The following TBC1D32 variants were observed in gnomAD, a reference collection of about 807,000 sequenced individuals.
TBC1D32 encodes TBC1 domain family member 32, also known as protein broad-minded.
A neutral mutation model predicts 170.3 loss-of-function variants in TBC1D32; 151 were observed. The ratio of observed to expected loss-of-function variants is 0.89; its 90% CI spans 0.78 to 1.01. The LOEUF is 1.01. Among genes scored for constraint, TBC1D32 ranks in the 50% least tolerant of loss-of-function variants. The pLI, the probability that TBC1D32 is intolerant of heterozygous loss-of-function variation, is 0.00. For missense variants in TBC1D32, 1,464 were observed against 1,457.1 expected (o/e 1.00, Z -0.08); for synonymous variants, 498 against 488.0 (o/e 1.02, Z -0.27).
At position 121,277,466 on chromosome 6, in the gene TBC1D32, C is replaced by A. The variant is rs141306298; in HGVS notation, c.1733+1655G>T. On this transcript the variant is annotated intron_variant, in intron 15 of 31. Transcript: ENST00000398212. Reference sequence around the variant, plus strand: ...TTGTGCTATTGTACTCCAGCCTGGGCGACAGAGAAAGACTCCATCTCAAAA... The same window carrying A: ...TTGTGCTATTGTACTCCAGCCTGGGAGACAGAGAAAGACTCCATCTCAAAA... Among the ~76,000 whole-genome samples, 1,138 of 114,622 alleles carry A rather than the reference C, an allele frequency of 9.9e-3. 23 individuals carry two copies. The highest frequency in any genetic ancestry group is 0.039 in the African/African-American group (1,074 of 27,770). The allele number at this position is 114,622 out of a possible 152,430, so 75.2% of individuals were successfully genotyped here.
chr6:121,221,361 T>G (rs1794496496), intron 21 of TBC1D32, among the ~76,000 whole-genome samples: 1 of 152,218 alleles, frequency 6.6e-6, no homozygotes. Flanking sequence ...AATATTGTTT[T>G]TGTGCCTGCT....
intron 30 of TBC1D32, among the ~76,000 whole-genome samples, chr6:121,104,759 T>A (rs993901113): frequency 1.3e-5 from 2 of 151,718 alleles, no homozygotes; most frequent in Admixed American, 6.6e-5. Flanking sequence ...ATGGTTTTAC[T>A]AGATATGATA....
At chr6:121,245,097 G>A (rs1022980659) in intron 17 of TBC1D32, among the ~76,000 whole-genome samples, 3 of 152,188 alleles carry the variant, frequency 2.0e-5, no homozygotes, top group African/African-American at 7.2e-5. Context: ...ACCACTGCCT[G>A]CAACACCCTG....
chr6:121,262,459 A>T (rs1799881464), intron 15 of TBC1D32, among the ~76,000 whole-genome samples: 1 of 151,232 alleles, frequency 6.6e-6, no homozygotes. Context: ...CCAGAAGAGA[A>T]TAGAGGCCAA....
chr6:121,160,608 A>C (rs1785498265), intron 23 of TBC1D32, among the ~76,000 whole-genome samples: 1 of 152,130 alleles, frequency 6.6e-6, no homozygotes, highest in Non-Finnish European at 1.5e-5. Flanking sequence ...ATAAAAAATA[A>C]TGTCATTTAA....
intron 22 of TBC1D32, among the ~76,000 whole-genome samples, chr6:121,198,236 A>ATATATATT (rs1252448687): frequency 1.0e-3 from 136 of 129,552 alleles, no homozygotes; most frequent in African/African-American, 4.0e-3. Context: ...AATATATATA[A>ATATATATT]ATATATATAT....
intron 22 of TBC1D32, among the ~76,000 whole-genome samples, chr6:121,173,591 A>G (rs1232422858): frequency 2.6e-5 from 4 of 151,994 alleles, no homozygotes; most frequent in African/African-American, 9.7e-5. Context: ...GACACCAAGA[A>G]GCAGAAGGAG....
intron 15 of TBC1D32, among the ~76,000 whole-genome samples, chr6:121,263,441 C>T (rs1165054465): frequency 2.6e-5 from 4 of 152,086 alleles, no homozygotes; most frequent in African/African-American, 9.7e-5. Context: ...TTTGATAAAA[C>T]AAGTTTTTAG....
rs779224858 is a variant in TBC1D32, at chr6:121,304,388, A to G, written c.912T>C (p.Ser304=). Reference sequence around the variant, plus strand: ...ACTTCTCTGGATGACGAATCCAGAAAGATGGAGCTTCTTTCTGATATTCAT... The same window carrying G: ...ACTTCTCTGGATGACGAATCCAGAAGGATGGAGCTTCTTTCTGATATTCAT... The part of the protein sequence containing the change: ...LLNEYQKEAP[S]FWIRHPEKYM... The change falls in exon 8 of 32, where the codon TCT becomes TCC. Residue 304 remains serine (S), a synonymous_variant. Coordinates refer to ENST00000398212, the MANE Select transcript of TBC1D32 (RefSeq NM_152730.6). 1.2e-6 allele frequency: 2 copies of G among 1,613,618 alleles called. No individual in the cohort carries two copies. Among genetic ancestry groups the G allele is most frequent in the Non-Finnish European group, 1.7e-6 (2 of 1,179,716 alleles).
intron 15 of TBC1D32, 138 bp downstream of exon 15, chr6:121,278,983 C>A (rs938737325): frequency 1.1e-6 from 1 of 873,854 alleles, no homozygotes; most frequent in African/African-American, 1.8e-5. Flanking sequence ...AAATTACAGA[C>A]GTCAAGTTCT....
At chr6:121,145,734 TA>T (rs890228787) in intron 24 of TBC1D32, among the ~76,000 whole-genome samples, 8 of 152,152 alleles carry the variant, frequency 5.3e-5, no homozygotes, top group African/African-American at 1.7e-4. Context: ...GCTTATCAAT[TA>T]AAAAATAAAT....
At chr6:121,217,097 G>A (rs773240165) in intron 21 of TBC1D32, among the ~76,000 whole-genome samples, 11 of 152,350 alleles carry the variant, frequency 7.2e-5, no homozygotes, top group African/African-American at 2.4e-4. Flanking sequence ...GCAGAAGACA[G>A]ATGGATCTTC....
At chr6:121,085,322 T>TATACATACATATATATACATATATACAC (rs1776125503) in intron 31 of TBC1D32, among the ~76,000 whole-genome samples, 1 of 100,760 alleles carries the variant, frequency 9.9e-6, no homozygotes, top group Non-Finnish European at 1.9e-5. Context: ...TATATACACA[T>TATACATACATATATATACATATATACAC]ATATATATAC....
intron 20 of TBC1D32, among the ~76,000 whole-genome samples, chr6:121,231,341 T>C (rs1795711872): frequency 6.6e-6 from 1 of 152,196 alleles, no homozygotes; most frequent in African/African-American, 2.4e-5. Context: ...ATGTGGGCAG[T>C]TCCATATTTT....
intron 22 of TBC1D32, among the ~76,000 whole-genome samples, chr6:121,173,969 C>T (rs538730951): frequency 1.3e-5 from 2 of 151,146 alleles, no homozygotes; most frequent in Admixed American, 6.6e-5. Flanking sequence ...AAAAAAGTTG[C>T]CTTTAAATAT....
chr6:121,191,290 C>T (rs1789981865), intron 22 of TBC1D32, among the ~76,000 whole-genome samples: 1 of 152,180 alleles, frequency 6.6e-6, no homozygotes, highest in East Asian at 1.9e-4. Context: ...TTGGCACACA[C>T]AAAAGTAGCA....
intron 22 of TBC1D32, among the ~76,000 whole-genome samples, chr6:121,188,831 C>G (rs1199526245): frequency 6.6e-6 from 1 of 152,128 alleles, no homozygotes; most frequent in Non-Finnish European, 1.5e-5. Flanking sequence ...GAACTATTAT[C>G]TTCTCTAGCT....
At chr6:121,182,753 C>A (rs1168989868) in intron 22 of TBC1D32, among the ~76,000 whole-genome samples, 1 of 151,446 alleles carries the variant, frequency 6.6e-6, no homozygotes, top group Admixed American at 6.6e-5. Context: ...TTATAAGCAA[C>A]AAATTGTCAG....
chr6:121,311,724 T>G (rs1304447812), intron 3 of TBC1D32, among the ~76,000 whole-genome samples: 4 of 95,868 alleles, frequency 4.2e-5, no homozygotes, highest in Non-Finnish European at 7.6e-5. Context: ...AGACTCCACC[T>G]CAAAAAAAAA....
Sources: allele counts gnomAD v4.1 joint callset (sites outside exome capture counted in the v4.1 genomes callset), GRCh38; gene constraint gnomAD v4.1.1; transcripts MANE v1.5; gene names NCBI Gene and HGNC (gene_info 2026-07-23, HGNC 2026-07-21).